Variants in PPP3R1 observed in about 807,000 individuals in gnomAD.
PPP3R1 encodes the protein protein phosphatase 3 regulatory subunit B, alpha, also known as calcineurin subunit B type 1.
PPP3R1 carries 5 observed loss-of-function variants against 22.6 expected under a neutral mutation model. That is an observed-to-expected ratio of 0.22 (90% CI 0.12 to 0.46). The LOEUF is 0.46. Ranked by LOEUF, PPP3R1 falls within the 20% of genes least tolerant of loss-of-function variation. The pLI is 0.99. For synonymous variants in PPP3R1, 56 were observed against 65.2 expected (o/e 0.86, Z 0.68); for missense variants, 61 against 203.2 (o/e 0.30, Z 4.25).
chr2:68,196,180 AGT>A (rs1450116643), intron 2 of PPP3R1, among the ~76,000 whole-genome samples: 1 of 152,196 alleles, frequency 6.6e-6, no homozygotes, highest in Non-Finnish European at 1.5e-5. Context: ...AAAACCTCAT[AGT>A]GTTATCAACA....
chr2:68,244,625 C>T (rs1670200285), intron 1 of PPP3R1, among the ~76,000 whole-genome samples: 1 of 152,106 alleles, frequency 6.6e-6, no homozygotes, highest in Non-Finnish European at 1.5e-5. Flanking sequence ...TTCCATTAAT[C>T]ACGCTCTTAC....
At chr2:68,222,456 T>C (rs1669702393) in intron 1 of PPP3R1, among the ~76,000 whole-genome samples, 1 of 152,222 alleles carries the variant, frequency 6.6e-6, no homozygotes, top group Admixed American at 6.5e-5. Flanking sequence ...TCTGAACTGG[T>C]GAACTAAGTA....
At chr2:68,214,250 G>A (rs1053264543) in intron 2 of PPP3R1, among the ~76,000 whole-genome samples, 3 of 151,976 alleles carry the variant, frequency 2.0e-5, no homozygotes, top group African/African-American at 4.8e-5. Context: ...TGACAAAGAC[G>A]CCAAAAGCAA....
At position 68,252,463 on chromosome 2, in the gene PPP3R1, CCTCGCG is replaced by C; in HGVS notation, c.-342_-337del. ...CGGCCGGGAAACTCGGGGGCTGCAG[CCTCGCG>C]CTCGCGCCGGAGCCGTGACGGACTC... On this transcript the variant is annotated 5_prime_UTR_variant, in exon 1 of 6. Transcript: ENST00000234310. 1.0e-6 allele frequency: 1 copy of C among 989,236 alleles called. No individual in the cohort carries two copies. Among genetic ancestry groups the C allele is most frequent in the Non-Finnish European group, 1.2e-6 (1 of 833,094 alleles). 61.3% of individuals were successfully genotyped at this position (989,236 alleles called of 1,614,324 possible).
chr2:68,235,620 T>C (rs1670005677), intron 1 of PPP3R1, among the ~76,000 whole-genome samples: 1 of 152,248 alleles, frequency 6.6e-6, no homozygotes, highest in African/African-American at 2.4e-5. Context: ...ACATTTGGAC[T>C]GTTTCCATTT....
At chr2:68,202,840 T>C (rs1314031079) in intron 2 of PPP3R1, among the ~76,000 whole-genome samples, 1 of 131,814 alleles carries the variant, frequency 7.6e-6, no homozygotes, top group Non-Finnish European at 1.5e-5. Flanking sequence ...TCTCGCTCTG[T>C]CGCCCAGGCT....
intron 2 of PPP3R1, among the ~76,000 whole-genome samples, chr2:68,210,207 A>G (rs1041121477): frequency 1.3e-5 from 2 of 152,210 alleles, no homozygotes; most frequent in East Asian, 3.9e-4. Context: ...CAATTCTTAC[A>G]ATCTCCTCTT....
At chr2:68,211,406 C>CAAAAAA (rs3979551) in intron 2 of PPP3R1, among the ~76,000 whole-genome samples, 939 of 76,820 alleles carry the variant, frequency 0.012, 67 homozygotes, top group African/African-American at 0.016. Flanking sequence ...GACTCTGTCT[C>CAAAAAA]AAAAAAAAAA....
chr2:68,213,683 G>T (rs1434782590), intron 2 of PPP3R1, among the ~76,000 whole-genome samples: 1 of 152,118 alleles, frequency 6.6e-6, no homozygotes, highest in Non-Finnish European at 1.5e-5. Context: ...CCTTCAATTT[G>T]TAAGAAACAC....
chr2:68,214,974 G>A (rs965338952), intron 2 of PPP3R1, among the ~76,000 whole-genome samples: 1 of 152,154 alleles, frequency 6.6e-6, no homozygotes, highest in Non-Finnish European at 1.5e-5. Flanking sequence ...ACGAGATCGT[G>A]TCTTCTGCAG....
chr2:68,243,495 A>T (rs927152242), intron 1 of PPP3R1, among the ~76,000 whole-genome samples: 5 of 152,160 alleles, frequency 3.3e-5, no homozygotes, highest in African/African-American at 4.8e-5. Flanking sequence ...AGCTTGAGTT[A>T]AAAAAGACGC....
intron 2 of PPP3R1, among the ~76,000 whole-genome samples, chr2:68,200,802 T>G (rs1674960090): frequency 6.6e-6 from 1 of 152,178 alleles, no homozygotes; most frequent in South Asian, 2.1e-4. Context: ...AATCAGACCA[T>G]GTTTTACTAA....
chr2:68,235,268 GGT>G (rs1669997358), intron 1 of PPP3R1, among the ~76,000 whole-genome samples: 2 of 152,006 alleles, frequency 1.3e-5, no homozygotes, highest in African/African-American at 4.8e-5. Flanking sequence ...ACAACTCAAT[GGT>G]TTTAGTACAT....
intron 1 of PPP3R1, among the ~76,000 whole-genome samples, chr2:68,250,644 T>C (rs1356265770): frequency 6.6e-6 from 1 of 152,236 alleles, no homozygotes; most frequent in Non-Finnish European, 1.5e-5. Flanking sequence ...CTAAATTGTT[T>C]TGTGACTTTC....
intron 2 of PPP3R1, among the ~76,000 whole-genome samples, chr2:68,189,159 C>G (rs1338781225): frequency 6.6e-6 from 1 of 152,154 alleles, no homozygotes; most frequent in African/African-American, 2.4e-5. Flanking sequence ...TCTAATAGTT[C>G]ATGACTCAAA....
At chr2:68,239,844 A>G (rs1026983574) in intron 1 of PPP3R1, among the ~76,000 whole-genome samples, 16 of 152,224 alleles carry the variant, frequency 1.1e-4, no homozygotes, top group Non-Finnish European at 1.9e-4. Context: ...TGCCTAGCTC[A>G]GTAAACCAAA....
At chr2:68,217,358 G>A (rs2103771720) in intron 1 of PPP3R1, among the ~76,000 whole-genome samples, 1 of 152,104 alleles carries the variant, frequency 6.6e-6, no homozygotes, top group South Asian at 2.1e-4. Context: ...CTGTCACTTA[G>A]GATTTATGCA....
chr2:68,249,424 TA>T (rs910985443), intron 1 of PPP3R1, among the ~76,000 whole-genome samples: 9 of 151,312 alleles, frequency 5.9e-5, no homozygotes, highest in East Asian at 1.9e-4. Flanking sequence ...ATCATGGAGA[TA>T]AAAAAAAATT....
chr2:68,252,081 G>A, intron 1 of PPP3R1, 44 bp downstream of exon 1: 3 of 1,393,594 alleles, frequency 2.2e-6, no homozygotes, highest in East Asian at 3.3e-5. Flanking sequence ...CCGGACGGCG[G>A]CAGTAGGGGG....
Sources: allele counts gnomAD v4.1 joint callset (sites outside exome capture counted in the v4.1 genomes callset), GRCh38; gene constraint gnomAD v4.1.1; transcripts MANE v1.5; gene names NCBI Gene and HGNC (gene_info 2026-07-23, HGNC 2026-07-21).